Variants in CACNA1C observed in about 807,000 individuals in gnomAD.
The protein encoded by CACNA1C is calcium voltage-gated channel subunit alpha1 C, also known as voltage-dependent L-type calcium channel subunit alpha-1C.
Under a neutral mutation model 229.0 loss-of-function variants are expected in CACNA1C, and 30 were observed. The observed-to-expected ratio is 0.13, with a 90% CI of 0.10 to 0.18. CACNA1C has a LOEUF of 0.18. Among genes scored for constraint, CACNA1C ranks in the 10% least tolerant of loss-of-function variants. The pLI, the probability that CACNA1C is intolerant of heterozygous loss-of-function variation, is 1.00. For missense variants in CACNA1C, 1,658 were observed against 2,845.0 expected, an observed-to-expected ratio of 0.58 and a Z score of 9.49; for synonymous variants, 1,114 against 1,132.5, an observed-to-expected ratio of 0.98 and a Z score of 0.33.
intron 9 of CACNA1C, among the ~76,000 whole-genome samples, chr12:2,531,581 A>T (rs1398420470): frequency 6.6e-6 from 1 of 152,136 alleles, no homozygotes; most frequent in African/African-American, 2.4e-5. Context: ...TGAGGAGAGG[A>T]TGCCCTCATT....
intron 1 of CACNA1C, among the ~76,000 whole-genome samples, chr12:1,987,092 G>A (rs539117573): frequency 2.0e-5 from 3 of 152,116 alleles, no homozygotes; most frequent in South Asian, 2.1e-4. Flanking sequence ...CTATTACCAC[G>A]CATGCTTAAA....
intron 3 of CACNA1C, among the ~76,000 whole-genome samples, chr12:2,426,342 G>A (rs1595936967): frequency 6.6e-6 from 1 of 152,304 alleles, no homozygotes; most frequent in East Asian, 1.9e-4. Context: ...GATGCCACAA[G>A]GTGAGTAGTA....
intron 3 of CACNA1C, among the ~76,000 whole-genome samples, chr12:2,145,724 A>G (rs1324288577): frequency 6.6e-6 from 1 of 151,340 alleles, no homozygotes; most frequent in Non-Finnish European, 1.5e-5. Flanking sequence ...GTAAATGTCA[A>G]GTATGGCCAA....
chr12:2,368,379 A>G (rs1329558045), intron 3 of CACNA1C, among the ~76,000 whole-genome samples: 1 of 152,262 alleles, frequency 6.6e-6, no homozygotes, highest in Non-Finnish European at 1.5e-5. Context: ...TTATAGTCCT[A>G]GAAAATCTAA....
In CACNA1C at chr12:2,608,887, T is replaced by A. The variant is rs994964792; in HGVS notation, c.3558+175T>A. Among the ~76,000 whole-genome samples the A allele has an allele frequency of 2.0e-5, 3 of 152,198 alleles. No homozygotes were observed. The highest frequency in any genetic ancestry group is 4.4e-5 in the Non-Finnish European group (3 of 68,038). ...TTTTGAGGGACCTGTGCAAAAGAAA[T>A]GCAAATTCCTGCAAACCCCAGATCT... On this transcript the variant is annotated intron_variant, in intron 27 of 46. Coordinates refer to ENST00000399655, the MANE Select transcript of CACNA1C (RefSeq NM_000719.7). This position sits in a 1 kb window ranked among gnomAD's most constrained non-coding sequence, Gnocchi z 4.2.
At chr12:2,545,515 G>A (rs2099879545) in intron 9 of CACNA1C, among the ~76,000 whole-genome samples, 1 of 152,128 alleles carries the variant, frequency 6.6e-6, no homozygotes, top group Non-Finnish European at 1.5e-5. Context: ...ATGAGCTGTT[G>A]ATGTTGCAAG....
intron 3 of CACNA1C, among the ~76,000 whole-genome samples, chr12:2,317,599 C>T (rs1045230296): frequency 1.3e-5 from 2 of 152,048 alleles, no homozygotes; most frequent in Non-Finnish European, 2.9e-5. Flanking sequence ...ATATAACACT[C>T]CTGAACCACA....
chr12:2,657,776 A>G (rs216052), intron 34 of CACNA1C, among the ~76,000 whole-genome samples: 44,791 of 152,028 alleles, frequency 0.29, 8,020 homozygotes, highest in African/African-American at 0.51. Flanking sequence ...AAATAAAAGG[A>G]TGGAAAAACG....
chr12:2,651,855 AC>A lies in CACNA1C; in HGVS notation c.4074+88del. ...CAGCTGACACAAGGAGGAGCCCTCCACTCTGGGGCCCTGCTCCTTCCTCTGT... is the reference window on the plus strand; with the variant it reads ...CAGCTGACACAAGGAGGAGCCCTCCATCTGGGGCCCTGCTCCTTCCTCTGT... On this transcript the variant is annotated intron_variant, in intron 32 of 46. Coordinates refer to ENST00000399655, the MANE Select transcript of CACNA1C (RefSeq NM_000719.7). The surrounding 1 kb of genome is among the most constrained non-coding windows in gnomAD (Gnocchi z 5.4). The A allele has an allele frequency of 9.3e-7, 1 of 1,073,400 alleles. No homozygotes were observed. Among genetic ancestry groups the A allele is most frequent in the South Asian group, 1.6e-5 (1 of 62,106 alleles). The allele number at this position is 1,073,400 out of a possible 1,614,324, so 66.5% of individuals were successfully genotyped here. A position where few individuals can be genotyped will look rare whatever the true frequency, so the allele number is the denominator to read the frequency against.
rs960660533 is a variant in CACNA1C, at chr12:2,053,001, G to T, written c.-562G>T. On this transcript the variant is annotated 5_prime_UTR_variant, in exon 1 of 47. Coordinates refer to ENST00000399655, the MANE Select transcript of CACNA1C (RefSeq NM_000719.7). The surrounding 1 kb of genome is among the most constrained non-coding windows in gnomAD (Gnocchi z 5.8). ...GCGCGCCCGGTGTCTCCCTCTCGCT[G>T]CCTCTGCAGAAACAGCTCCTGCCAG... 674 of 984,036 alleles carry T rather than the reference G, an allele frequency of 6.8e-4. 1 individual carries two copies. The highest frequency in any genetic ancestry group is 1.0e-3 in the Middle Eastern group (2 of 1,910). The allele number at this position is 984,036 out of a possible 1,614,324, so 61.0% of individuals were successfully genotyped here.
chr12:2,342,231 G>T (rs925188084), intron 3 of CACNA1C, among the ~76,000 whole-genome samples: 2 of 152,248 alleles, frequency 1.3e-5, no homozygotes, highest in South Asian at 4.2e-4. Flanking sequence ...CTCATGCTGG[G>T]TATCCTCAGT....
chr12:2,610,432 C>A, intron 27 of CACNA1C, 109 bp from the exon 28 acceptor site: 2 of 1,117,620 alleles, frequency 1.8e-6, no homozygotes, highest in African/African-American at 1.5e-5. Context: ...TTCCGGAGAA[C>A]CCCACCCCAC....
At chr12:2,521,579 C>T (rs2099810072) in intron 9 of CACNA1C, among the ~76,000 whole-genome samples, 1 of 152,226 alleles carries the variant, frequency 6.6e-6, no homozygotes, top group Non-Finnish European at 1.5e-5. Flanking sequence ...GCCCACTTCT[C>T]TCTCCAGAGG....
chr12:2,037,203 C>T (rs2049303506), intron 1 of CACNA1C, among the ~76,000 whole-genome samples: 1 of 152,196 alleles, frequency 6.6e-6, no homozygotes, highest in African/African-American at 2.4e-5. Flanking sequence ...GACTGGATCA[C>T]ATCATGAGAC....
intron 2 of CACNA1C, among the ~76,000 whole-genome samples, chr12:2,117,940 TGAA>T (rs2084744095): frequency 6.6e-6 from 1 of 152,306 alleles, no homozygotes; most frequent in East Asian, 1.9e-4. Flanking sequence ...CAGTTCTTCT[TGAA>T]GAAGTGGAAT....
At chr12:2,111,671 G>A (rs1393980269) in intron 1 of CACNA1C, among the ~76,000 whole-genome samples, 1 of 152,128 alleles carries the variant, frequency 6.6e-6, no homozygotes, top group Non-Finnish European at 1.5e-5. Context: ...AAAAGGAGAA[G>A]TTAGTCTGGG....
chr12:2,500,042 C>G (rs543981923), intron 7 of CACNA1C, among the ~76,000 whole-genome samples: 1 of 152,264 alleles, frequency 6.6e-6, no homozygotes, highest in South Asian at 2.1e-4. Context: ...AGAGAATCAC[C>G]TTCTGTGGCA....
chr12:2,122,500 A>G (rs2087309817), intron 3 of CACNA1C, among the ~76,000 whole-genome samples: 1 of 152,172 alleles, frequency 6.6e-6, no homozygotes, highest in African/African-American at 2.4e-5. Flanking sequence ...ATTCTGCCCC[A>G]TGGAGAAACC....
At position 2,088,524 on chromosome 12, in the gene CACNA1C, G is replaced by A. The variant is rs78800894; in HGVS notation, c.50-26700G>A. Among the ~76,000 whole-genome samples the A allele has an allele frequency of 3.8e-4, 58 of 152,278 alleles. No homozygotes were observed. The East Asian group carries it at 0.011, about 28-fold the overall frequency. Reference sequence around the variant, plus strand: ...GTCATAATAATGCCTACCTTATGGGGGTGCTGAGAGGATTAAATAAATCAA... The same window carrying A: ...GTCATAATAATGCCTACCTTATGGGAGTGCTGAGAGGATTAAATAAATCAA... On this transcript the variant is annotated intron_variant, in intron 1 of 46. Transcript: ENST00000399655.
Sources: gnomAD v4.1 joint callset for allele counts (sites outside exome capture counted in the v4.1 genomes callset) on GRCh38, gnomAD v4.1.1 for gene constraint, Gnocchi (gnomAD v3.1) non-coding constraint, MANE v1.5 for transcripts, NCBI Gene and HGNC (gene_info 2026-07-23, HGNC 2026-07-21) for gene names.